The following BOD1L1 variants were observed in gnomAD, a reference collection of about 807,000 sequenced individuals.
BOD1L1 encodes the protein biorientation of chromosomes in cell division protein 1-like 1.
Under a neutral mutation model 240.7 loss-of-function variants are expected in BOD1L1, and 86 were observed. The ratio of observed to expected loss-of-function variants is 0.36; its 90% CI spans 0.30 to 0.43. BOD1L1 has a LOEUF of 0.43. BOD1L1 is among the 20% of genes least tolerant of loss of function. BOD1L1 has a pLI of 1.00. For synonymous variants in BOD1L1, 1,268 were observed against 1,272.3 expected (o/e 1.00, Z 0.07); for missense variants, 3,554 against 3,643.5 (o/e 0.98, Z 0.63).
Position 13,599,685 on chromosome 4 carries a change from C to G in BOD1L1, c.7215G>C (p.Glu2405Asp), listed in dbSNP as rs758097810. 2.4e-5 allele frequency: 38 copies of G among 1,613,768 alleles called. No individual in the cohort carries two copies. The highest frequency in any genetic ancestry group is 9.3e-5 in the African/African-American group (7 of 74,926). The change falls in exon 10 of 26, where the codon GAG (glutamate) becomes GAC (aspartate). Residue 2405 changes from glutamate to aspartate, a missense_variant. Physicochemically the swap from Glu to Asp is conservative, Grantham distance 45. Coordinates refer to ENST00000040738, the MANE Select transcript of BOD1L1 (RefSeq NM_148894.3). ...GGACTGATGGCCCGTTGTGCCCCTC[C>G]TCGGTGCTCACTGCCAACACGGGAC... ...EPGPVLAVST[E>D]EGHNGPSVHK...
chr4:13,599,457 T>G lies in BOD1L1; in HGVS notation c.7443A>C (p.Ala2481=). ...KEDKSPETGT[A]GGSSTASYSA... ...AATAACTTGCTGTGCTACTGCCCCCTGCTGTCCCTGTCTCTGGGCTCTTAT... is the reference window on the plus strand; with the variant it reads ...AATAACTTGCTGTGCTACTGCCCCCGGCTGTCCCTGTCTCTGGGCTCTTAT... Residue 2481 remains alanine (A), a synonymous_variant, in exon 10 of 26, where the codon GCA becomes GCC. Coordinates refer to ENST00000040738, the MANE Select transcript of BOD1L1 (RefSeq NM_148894.3). The G allele has an allele frequency of 6.2e-7, 1 of 1,614,024 alleles. No homozygotes were observed. The highest frequency in any genetic ancestry group is 1.3e-5 in the African/African-American group (1 of 75,060).
intron 21 of BOD1L1, among the ~76,000 whole-genome samples, chr4:13,580,484 AT>A (rs930730900): frequency 6.6e-6 from 1 of 152,186 alleles, no homozygotes; most frequent in Non-Finnish European, 1.5e-5. Flanking sequence ...CCTCCTTACA[AT>A]GCTCTTCTTG....
chr4:13,627,286 A>T, intron 1 of BOD1L1, 59 bp downstream of exon 1: 1 of 1,027,196 alleles, frequency 9.7e-7, no homozygotes. Context: ...CTGCAAAAGA[A>T]GCGCGCCCTT....
In BOD1L1 at chr4:13,601,905, A is replaced by G. The variant is rs546319297; in HGVS notation, c.4995T>C (p.Gly1665=). The G allele has an allele frequency of 1.2e-6, 2 of 1,613,916 alleles. No homozygotes were observed. The highest frequency in any genetic ancestry group is 2.2e-5 in the South Asian group (2 of 91,076). Residue 1665 remains glycine, a synonymous_variant, in exon 10 of 26, where the codon GGT becomes GGC. Coordinates refer to ENST00000040738, the MANE Select transcript of BOD1L1 (RefSeq NM_148894.3). ...TSAGSEEKCD[G]SLSRDSEIVE... ...CTATTTCTGAGTCTCTACTTAAAGAACCATCACATTTTTCTTCAGAGCCTG... is the reference window on the plus strand; with the variant it reads ...CTATTTCTGAGTCTCTACTTAAAGAGCCATCACATTTTTCTTCAGAGCCTG...
rs1716394139 is a variant in BOD1L1 at position 13,614,219 on chromosome 4, T to G, written c.1151A>C (p.Lys384Thr). 6.6e-7 allele frequency: 1 copy of G among 1,517,888 alleles called. No homozygotes were observed. The highest frequency in any genetic ancestry group is 2.5e-5 in the East Asian group (1 of 40,756). The allele number at this position is 1,517,888 out of a possible 1,614,324, so 94.0% of individuals were successfully genotyped here. A position where few individuals can be genotyped will look rare whatever the true frequency, so the allele number is the denominator to read the frequency against. ...LPSEKNSNKA[K>T]TVEGTKEDFS... ...ACCTTCTTTTGTCCCTTCAACAGTTTTAGCTTTATTACTGTTCTTTTCTGA... is the reference window on the plus strand; with the variant it reads ...ACCTTCTTTTGTCCCTTCAACAGTTGTAGCTTTATTACTGTTCTTTTCTGA... Residue 384 changes from lysine (K) to threonine (T), a missense_variant, in exon 4 of 26, where the codon AAA becomes ACA. Lys to Thr is a moderately conservative substitution (Grantham distance 78). Transcript: ENST00000040738.
At position 13,603,147 on chromosome 4, in the gene BOD1L1, C is replaced by G; in HGVS notation, c.3753G>C (p.Arg1251Ser). ...CTGTGTTTTTCAAATTCTTCTGTACCCTATCATTTTCTGATGGGGCACTCA... is the reference window on the plus strand; with the variant it reads ...CTGTGTTTTTCAAATTCTTCTGTACGCTATCATTTTCTGATGGGGCACTCA... ...MLLSAPSEND[R>S]VQKNLKNTAA... is the part of the protein sequence containing the mutation. Residue 1251 changes from arginine to serine, a missense_variant, in exon 10 of 26, where the codon AGG becomes AGC. This residue lies in a region of BOD1L1 where 3,393 missense variants were observed against 3,427.1 expected (regional missense o/e 0.99). Coordinates refer to ENST00000040738, the MANE Select transcript of BOD1L1 (RefSeq NM_148894.3). The G allele has an allele frequency of 6.2e-7, 1 of 1,613,956 alleles. No individual in the cohort carries two copies. The highest frequency in any genetic ancestry group is 8.5e-7 in the Non-Finnish European group (1 of 1,179,886).
chr4:13,598,539 G>A (rs916079830), intron 10 of BOD1L1, among the ~76,000 whole-genome samples: 9 of 152,054 alleles, frequency 5.9e-5, no homozygotes, highest in South Asian at 2.1e-4. Context: ...TTCCTCGTTT[G>A]TAAAATGAGG....
Position 13,620,999 on chromosome 4 carries a change from G to A in BOD1L1, c.244-932C>T, listed in dbSNP as rs186245819. Among the ~76,000 whole-genome samples the A allele has an allele frequency of 6.0e-4, 91 of 152,230 alleles. 1 individual carries two copies. Among genetic ancestry groups the A allele is most frequent in the African/African-American group, 2.1e-3 (88 of 41,540 alleles). ...GCTATTGGCATCTAGTGGGTCAAGG[G>A]CAAGGATGCTACTGAAGATCCTACA... is the stretch of plus-strand genomic sequence containing the variant. On this transcript the variant is annotated intron_variant, in intron 1 of 25. Transcript: ENST00000040738.
chr4:13,625,200 A>T (rs1439888084), intron 1 of BOD1L1: 1 of 152,176 alleles, frequency 6.6e-6, no homozygotes, highest in East Asian at 1.9e-4. Flanking sequence ...TCAATTCTTG[A>T]CCTCAAAAAA....
chr4:13,595,573 T>C (rs1714552826), intron 12 of BOD1L1, among the ~76,000 whole-genome samples: 1 of 152,212 alleles, frequency 6.6e-6, no homozygotes, highest in Admixed American at 6.5e-5. Context: ...GAAACATTTC[T>C]GGGATAGAGC....
chr4:13,580,889 A>C, intron 21 of BOD1L1, 131 bp downstream of exon 21: 1 of 775,546 alleles, frequency 1.3e-6, no homozygotes, highest in East Asian at 2.8e-5. Context: ...ATCAAAATAT[A>C]TGAATGGTTA....
chr4:13,617,155 GA>G (rs1716675861), intron 2 of BOD1L1, among the ~76,000 whole-genome samples: 1 of 145,842 alleles, frequency 6.9e-6, no homozygotes. Context: ...TGAGGCAGGA[GA>G]ATTGCTGGAA....
At chr4:13,592,979 G>A (rs907384415) in intron 12 of BOD1L1, 5 of 152,070 alleles carry the variant, frequency 3.3e-5, no homozygotes, top group Non-Finnish European at 5.9e-5. Context: ...AATTCAAAAC[G>A]TATACAGGTT....
Position 13,600,953 on chromosome 4 carries a change from C to G in BOD1L1, c.5947G>C (p.Ala1983Pro). ...AGCTGACTGTCACTTTGATCAGATGCAGCACTAGTCATAGGACCCTCACAA... is the reference window on the plus strand; with the variant it reads ...AGCTGACTGTCACTTTGATCAGATGGAGCACTAGTCATAGGACCCTCACAA... ...GGCEGPMTSA[A>P]SDQSDSQLEK... The change falls in exon 10 of 26, where the codon GCA (alanine) becomes CCA (proline). Residue 1983 changes from alanine to proline, a missense_variant. Transcript: ENST00000040738. The G allele has an allele frequency of 1.2e-6, 2 of 1,613,936 alleles. No homozygotes were observed. Among genetic ancestry groups the G allele is most frequent in the Non-Finnish European group, 1.7e-6 (2 of 1,179,870 alleles).
chr4:13,601,008 T>C lies in BOD1L1; in HGVS notation c.5892A>G (p.Gly1964=), dbSNP rs770383000. 1.2e-6 allele frequency: 2 copies of C among 1,613,890 alleles called. No individual in the cohort carries two copies. The highest frequency in any genetic ancestry group is 1.7e-6 in the Non-Finnish European group (2 of 1,179,904). The change falls in exon 10 of 26, where the codon GGA becomes GGG. Residue 1964 remains glycine (G), a synonymous_variant. Transcript: ENST00000040738. ...CTGGAACTGGTGTCACTTCATCCTT[T>C]CCTGAGACTGCACTGGTCACACTGC... ...VESSVTSAVS[G]KDEVTPVPGG...
intron 12 of BOD1L1, among the ~76,000 whole-genome samples, chr4:13,593,724 G>A (rs927190953): frequency 1.6e-4 from 24 of 152,102 alleles, no homozygotes; most frequent in African/African-American, 5.8e-4. Flanking sequence ...TCATTTCCAT[G>A]TTGATTTCCC....
At chr4:13,585,907 C>T (rs1713648554) in intron 17 of BOD1L1, among the ~76,000 whole-genome samples, 1 of 152,120 alleles carries the variant, frequency 6.6e-6, no homozygotes, top group Non-Finnish European at 1.5e-5. Context: ...GTGAGGCCTC[C>T]CCAGCCATGC....
At chr4:13,576,748 C>T (rs1002098631) in intron 25 of BOD1L1, 90 bp downstream of exon 25, 2 of 1,446,236 alleles carry the variant, frequency 1.4e-6, no homozygotes, top group Admixed American at 4.7e-5. Context: ...ATGAATGATT[C>T]AGTTCAAAGA....
At chr4:13,587,586 G>T (rs1713807122) in intron 16 of BOD1L1, 113 bp downstream of exon 16, 1 of 757,668 alleles carries the variant, frequency 1.3e-6, no homozygotes, top group Non-Finnish European at 2.2e-6. Flanking sequence ...CTCAAGACTT[G>T]TAAAGTAGAG....
Sources: gnomAD v4.1 joint callset for allele counts (sites outside exome capture counted in the v4.1 genomes callset) on GRCh38, gnomAD v4.1.1 for gene constraint, gnomAD v4.1.1 regional missense constraint, MANE v1.5 for transcripts, NCBI Gene and HGNC (gene_info 2026-07-23, HGNC 2026-07-21) for gene names.